The following THSD4 variants were observed in gnomAD, a reference collection of about 807,000 sequenced individuals.
THSD4 encodes the protein thrombospondin type 1 domain containing 4.
THSD4 carries 69 observed loss-of-function variants against 119.0 expected under a neutral mutation model. The observed-to-expected ratio is 0.58, with a 90% CI of 0.48 to 0.71. THSD4 has a LOEUF of 0.71. Ranked by LOEUF, THSD4 falls within the 30% of genes least tolerant of loss-of-function variation. The pLI is 0.00. For missense variants in THSD4, 1,393 were observed against 1,391.1 expected (o/e 1.00, Z -0.02); for synonymous variants, 524 against 540.4 (o/e 0.97, Z 0.42).
intron 7 of THSD4, among the ~76,000 whole-genome samples, chr15:71,562,984 A>G (rs2049154358): frequency 6.6e-6 from 1 of 152,034 alleles, no homozygotes; most frequent in Non-Finnish European, 1.5e-5. Context: ...CTGGTCTTTA[A>G]ATGCCCTTTG....
chr15:71,677,311 G>A (rs2051672673), intron 8 of THSD4, among the ~76,000 whole-genome samples: 1 of 152,194 alleles, frequency 6.6e-6, no homozygotes, highest in Admixed American at 6.5e-5. Flanking sequence ...TGAGGAAAGT[G>A]ATCATTGAGT....
intron 9 of THSD4, chr15:71,729,162 A>G (rs2052924914): frequency 1.2e-5 from 2 of 170,810 alleles, no homozygotes; most frequent in South Asian, 2.9e-4. Context: ...TCTGAGAGCA[A>G]ATGAAGAAAG....
intron 8 of THSD4, among the ~76,000 whole-genome samples, chr15:71,706,047 AC>A (rs1222431245): frequency 6.6e-6 from 1 of 152,112 alleles, no homozygotes; most frequent in Non-Finnish European, 1.5e-5. Flanking sequence ...AGATTGTGTA[AC>A]CCCTTATTTC....
At chr15:71,439,187 T>C (rs939908837) in intron 7 of THSD4, among the ~76,000 whole-genome samples, 3 of 152,240 alleles carry the variant, frequency 2.0e-5, no homozygotes, top group Non-Finnish European at 4.4e-5. Flanking sequence ...TCTTCTGCCA[T>C]TCAGTAAATA....
chr15:71,308,732 T>C (rs1243210839), intron 6 of THSD4, among the ~76,000 whole-genome samples: 1 of 152,224 alleles, frequency 6.6e-6, no homozygotes, highest in Non-Finnish European at 1.5e-5. Context: ...GTGCAAGTTA[T>C]CGTGTGGCCT....
At chr15:71,474,330 C>T (rs1383439263) in intron 7 of THSD4, among the ~76,000 whole-genome samples, 2 of 152,106 alleles carry the variant, frequency 1.3e-5, no homozygotes, top group East Asian at 3.9e-4. Flanking sequence ...AGCGATTCCC[C>T]TGCCTCAGCC....
At chr15:71,635,242 T>A (rs926975871) in intron 7 of THSD4, among the ~76,000 whole-genome samples, 7 of 152,212 alleles carry the variant, frequency 4.6e-5, no homozygotes, top group Non-Finnish European at 7.3e-5. Context: ...TTCGAATCCC[T>A]GTGGCACTTA....
intron 7 of THSD4, among the ~76,000 whole-genome samples, chr15:71,605,945 A>G (rs910558323): frequency 6.6e-6 from 1 of 152,182 alleles, no homozygotes; most frequent in Non-Finnish European, 1.5e-5. Flanking sequence ...CAGAGAGACA[A>G]AACCAACGGA....
intron 6 of THSD4, among the ~76,000 whole-genome samples, chr15:71,340,187 C>T (rs1026104653): frequency 8.5e-5 from 13 of 152,174 alleles, no homozygotes; most frequent in African/African-American, 2.7e-4. Context: ...CTGACTGGAC[C>T]GTGTGCTTGC....
At chr15:71,616,522 A>G (rs746569075) in intron 7 of THSD4, among the ~76,000 whole-genome samples, 6 of 152,232 alleles carry the variant, frequency 3.9e-5, no homozygotes, top group South Asian at 2.1e-4. Flanking sequence ...AAGAACAGGT[A>G]GAGGCAGACA....
chr15:71,464,133 A>G lies in THSD4; in HGVS notation c.1152+52310A>G, dbSNP rs1434570906. On this transcript the variant is annotated intron_variant, in intron 7 of 17. Transcript: ENST00000261862. ...TAGCCATTTGTTTTGGCTCCATGCCATGCTTGTTTATCCCATTTTGGTTTA... is the reference window on the plus strand; with the variant it reads ...TAGCCATTTGTTTTGGCTCCATGCCGTGCTTGTTTATCCCATTTTGGTTTA... 2.0e-5 allele frequency among the ~76,000 whole-genome samples: 3 copies of G among 152,188 alleles called. No individual in the cohort carries two copies. The East Asian group carries it at 5.8e-4, about 29-fold the overall frequency.
At chr15:71,606,834 C>G (rs756738144) in intron 7 of THSD4, among the ~76,000 whole-genome samples, 9 of 152,202 alleles carry the variant, frequency 5.9e-5, no homozygotes, top group African/African-American at 1.7e-4. Flanking sequence ...GCCACCATGC[C>G]CAGCCTCAAA....
At chr15:71,629,339 CG>C (rs1567070771) in intron 7 of THSD4, among the ~76,000 whole-genome samples, 3 of 152,084 alleles carry the variant, frequency 2.0e-5, no homozygotes, top group African/African-American at 7.2e-5. Flanking sequence ...GGGGGCAGGG[CG>C]GCCAGACAGT....
At chr15:71,705,358 C>G (rs1322476264) in intron 8 of THSD4, among the ~76,000 whole-genome samples, 1 of 152,202 alleles carries the variant, frequency 6.6e-6, no homozygotes. Context: ...TAAAACCCCA[C>G]AGATAACCAG....
chr15:71,143,932 C>T (rs1363800224), intron 2 of THSD4, among the ~76,000 whole-genome samples: 6 of 151,886 alleles, frequency 4.0e-5, no homozygotes, highest in East Asian at 3.9e-4. Flanking sequence ...TCTCCCTTTG[C>T]GGGAGGCCTG....
At chr15:71,106,977 G>A (rs2040276684) in intron 1 of THSD4, among the ~76,000 whole-genome samples, 1 of 152,144 alleles carries the variant, frequency 6.6e-6, no homozygotes, top group African/African-American at 2.4e-5. Context: ...CCCTGAAGGC[G>A]AATTGGTGAA....
intron 1 of THSD4, among the ~76,000 whole-genome samples, chr15:71,116,183 C>T (rs928759449): frequency 9.9e-5 from 15 of 152,214 alleles, no homozygotes; most frequent in Non-Finnish European, 1.2e-4. Flanking sequence ...GGCCTGGGGC[C>T]TCGGATCTGT....
intron 7 of THSD4, among the ~76,000 whole-genome samples, chr15:71,559,617 T>TG (rs2049080017): frequency 6.6e-6 from 1 of 151,958 alleles, no homozygotes; most frequent in African/African-American, 2.4e-5. Context: ...TCTAGACCTC[T>TG]GCTTCTCTAC....
intron 11 of THSD4, among the ~76,000 whole-genome samples, chr15:71,741,416 C>T (rs536788080): frequency 5.9e-5 from 9 of 152,132 alleles, no homozygotes; most frequent in African/African-American, 2.2e-4. Context: ...TTGCTTGAAC[C>T]CAGGAGGCGG....
Sources: gnomAD v4.1 joint callset for allele counts (sites outside exome capture counted in the v4.1 genomes callset) on GRCh38, gnomAD v4.1.1 for gene constraint, MANE v1.5 for transcripts, NCBI Gene and HGNC (gene_info 2026-07-23, HGNC 2026-07-21) for gene names.